Variants in PCNX2 observed in about 807,000 individuals in gnomAD.
PCNX2 encodes the protein pecanex 2, also known as pecanex-like protein 2.
In PCNX2, 168 loss-of-function variants were observed where a neutral mutation model predicts 223.8. The ratio of observed to expected loss-of-function variants is 0.75; its 90% confidence interval spans 0.66 to 0.85. The LOEUF (loss-of-function observed/expected upper bound fraction) is 0.85. Ranked by LOEUF, PCNX2 falls within the 40% of genes least tolerant of loss-of-function variation. PCNX2 has a pLI of 0.00. For missense variants in PCNX2, 2,507 were observed against 2,675.5 expected, an observed-to-expected ratio of 0.94 and a Z score of 1.39; for synonymous variants, 1,006 against 1,052.6, an observed-to-expected ratio of 0.96 and a Z score of 0.86.
intron 10 of PCNX2, 62 bp from the exon 11 acceptor site, chr1:233,218,246 CTTTTTT>C (rs372117818): frequency 4.0e-5 from 20 of 499,328 alleles, no homozygotes; most frequent in Non-Finnish European, 5.3e-5. Flanking sequence ...TAAGTTTTGC[CTTTTTT>C]TTTTTTTTTT....
intron 21 of PCNX2, among the ~76,000 whole-genome samples, chr1:233,131,184 A>ATC (rs1676482312): frequency 6.6e-6 from 1 of 152,142 alleles, no homozygotes; most frequent in South Asian, 2.1e-4. Flanking sequence ...AAACAGGAGC[A>ATC]AGGCTGAGGG....
intron 21 of PCNX2, among the ~76,000 whole-genome samples, chr1:233,117,389 T>C (rs138030872): frequency 0.017 from 2,545 of 150,780 alleles, 27 homozygotes; most frequent in East Asian, 0.044. Flanking sequence ...CCCAGCACTT[T>C]GGGAGGCCGA....
intron 19 of PCNX2, among the ~76,000 whole-genome samples, chr1:233,150,877 C>T (rs1374589774): frequency 6.6e-6 from 1 of 151,988 alleles, no homozygotes; most frequent in Non-Finnish European, 1.5e-5. Flanking sequence ...CAATTAACAC[C>T]AAACCATAAT....
At chr1:233,249,519 G>A (rs983148405) in intron 8 of PCNX2, among the ~76,000 whole-genome samples, 3 of 152,158 alleles carry the variant, frequency 2.0e-5, no homozygotes, top group Admixed American at 2.0e-4. Context: ...TCTCCTCTTG[G>A]GTGTCCATTT....
intron 16 of PCNX2, among the ~76,000 whole-genome samples, chr1:233,178,656 G>A (rs901877124): frequency 3.3e-5 from 5 of 152,140 alleles, no homozygotes; most frequent in Non-Finnish European, 5.9e-5. Flanking sequence ...TTTCAGAGGT[G>A]CTGGTTTAGT....
intron 23 of PCNX2, chr1:233,087,052 A>C (rs993791576): frequency 7.1e-6 from 7 of 985,288 alleles, no homozygotes; most frequent in Non-Finnish European, 8.4e-6. Context: ...GAATCAGGGA[A>C]CAGGAGGTCT....
At position 233,074,251 on chromosome 1, in the gene PCNX2, G is replaced by A. The variant is rs59948499; in HGVS notation, c.4076+15810C>T. Among the ~76,000 whole-genome samples, 1,519 of 152,220 alleles carry A rather than the reference G, an allele frequency of 1.0e-2. 21 individuals carry two copies. Among genetic ancestry groups the A allele is most frequent in the African/African-American group, 0.03 (1,241 of 41,540 alleles). ...CCATTGTGGAGAATAGTTTATGTAC[G>A]CTTGAAAAGAATGTGTACCTAAAAA... On this transcript the variant is annotated intron_variant, in intron 23 of 33. Transcript: ENST00000258229.
intron 1 of PCNX2, chr1:233,285,140 G>A (rs1661384362): frequency 1.3e-5 from 5 of 389,866 alleles, no homozygotes; most frequent in Non-Finnish European, 1.4e-5. Context: ...ATTGCTTGAG[G>A]CCAGGAGTTT....
At chr1:233,228,109 A>C (rs1228262721) in intron 9 of PCNX2, among the ~76,000 whole-genome samples, 3 of 152,164 alleles carry the variant, frequency 2.0e-5, no homozygotes, top group African/African-American at 7.2e-5. Context: ...TTGGTAATAG[A>C]ATGTGTTTAG....
intron 21 of PCNX2, among the ~76,000 whole-genome samples, chr1:233,128,641 G>A (rs1426833148): frequency 1.3e-5 from 2 of 152,060 alleles, no homozygotes; most frequent in East Asian, 3.9e-4. Context: ...GGCCAACTAT[G>A]GTTTTTAAGA....
In PCNX2 at chr1:232,990,047, C is replaced by G. The variant is rs549228502; in HGVS notation, c.5792-3507G>C. Among the ~76,000 whole-genome samples the G allele has an allele frequency of 1.2e-4, 19 of 152,238 alleles. No homozygotes were observed. Among genetic ancestry groups the G allele is most frequent in the Non-Finnish European group, 1.6e-4 (11 of 68,046 alleles). On this transcript the variant is annotated intron_variant, in intron 32 of 33. Coordinates refer to ENST00000258229, the MANE Select transcript of PCNX2 (RefSeq NM_014801.4). The surrounding 1 kb of genome is among the most constrained non-coding windows in gnomAD (Gnocchi z 4.3). ...ACTGGCCAAGCAGGTCTCTGGCTTC[C>G]TTTCTGGGAGCTGTGTGTCTCAACT...
intron 19 of PCNX2, among the ~76,000 whole-genome samples, chr1:233,144,190 GA>G (rs552879752): frequency 6.6e-6 from 1 of 151,922 alleles, no homozygotes; most frequent in African/African-American, 2.4e-5. Context: ...TCAAAAACAT[GA>G]AAAAAATACC....
At chr1:233,321,294 TTTTA>T in the PCNX2 span, among the ~76,000 whole-genome samples, 1 of 151,894 alleles carries the variant, frequency 6.6e-6, no homozygotes, top group Non-Finnish European at 1.5e-5. Flanking sequence ...CCCAAGCGCT[TTTTA>T]TTTCTTTTTA....
chr1:233,267,038 G>T (rs1660373929), intron 1 of PCNX2, among the ~76,000 whole-genome samples: 1 of 151,494 alleles, frequency 6.6e-6, no homozygotes, highest in African/African-American at 2.4e-5. Context: ...AACTTTTGTG[G>T]CCAGGCACAG....
chr1:233,031,763 T>G (rs1671273387), intron 25 of PCNX2: 1 of 985,062 alleles, frequency 1.0e-6, no homozygotes, highest in Admixed American at 6.2e-5. Flanking sequence ...CCTCCTTGCT[T>G]TGGCTCTTGG....
intron 1 of PCNX2, among the ~76,000 whole-genome samples, chr1:233,271,066 A>T (rs116150250): frequency 0.01 from 1,549 of 152,314 alleles, 14 homozygotes; most frequent in South Asian, 0.028. Context: ...TTAAATGGCC[A>T]TGGTAAGAGT....
chr1:233,132,967 C>T lies in PCNX2; in HGVS notation c.3837+2046G>A, dbSNP rs7517853. ...AGGCTGGAGTGCAGTGGCGCAATCT[C>T]GGCTCACTGCAACCTCCACCTCCTG... is the stretch of plus-strand genomic sequence containing the variant. On this transcript the variant is annotated intron_variant, in intron 21 of 33. Transcript: ENST00000258229. Among the ~76,000 whole-genome samples the T allele has an allele frequency of 4.7e-3, 686 of 146,860 alleles. 5 individuals carry two copies. The highest frequency in any genetic ancestry group is 0.016 in the African/African-American group (623 of 39,414).
chr1:233,178,948 TGA>T (rs1163657423), intron 16 of PCNX2, 116 bp downstream of exon 16: 2 of 806,364 alleles, frequency 2.5e-6, no homozygotes, highest in Non-Finnish European at 3.8e-6. Flanking sequence ...AGTTTAATAA[TGA>T]GAGTCAAATC....
At chr1:233,024,961 A>G (rs1429072064) in intron 26 of PCNX2, among the ~76,000 whole-genome samples, 185 bp downstream of exon 26, 1 of 152,222 alleles carries the variant, frequency 6.6e-6, no homozygotes, top group Non-Finnish European at 1.5e-5. Flanking sequence ...CCAGGGCACA[A>G]ATCTCAGGTT....
Sources: allele counts gnomAD v4.1 joint callset (sites outside exome capture counted in the v4.1 genomes callset), GRCh38; gene constraint gnomAD v4.1.1; non-coding constraint Gnocchi (gnomAD v3.1); transcripts MANE v1.5; gene names NCBI Gene and HGNC (gene_info 2026-07-23, HGNC 2026-07-21).